Variants in INSL6 observed in about 807,000 individuals in gnomAD.
INSL6 encodes the protein insulin-like peptide INSL6.
INSL6 carries 16 observed loss-of-function variants against 9.4 expected under a neutral mutation model. That is an observed-to-expected ratio of 1.70 (90% CI 1.15 to 2.59). The LOEUF is 2.59. Among genes scored for constraint, INSL6 ranks in the 30% most tolerant of loss-of-function variants. The pLI is 0.00. For synonymous variants in INSL6, 154 were observed against 96.9 expected (o/e 1.59, Z -3.46); for missense variants, 391 against 257.3 (o/e 1.52, Z -3.56).
the INSL6 span, among the ~76,000 whole-genome samples, chr9:5,118,416 C>T: frequency 6.6e-6 from 1 of 152,108 alleles, no homozygotes; most frequent in Non-Finnish European, 1.5e-5. Context: ...TAAAAATTTT[C>T]CTGTGACCAA....
chr9:5,139,744 C>A (rs1464080038), intron 2 of INSL6, among the ~76,000 whole-genome samples: 1 of 152,162 alleles, frequency 6.6e-6, no homozygotes, highest in African/African-American at 2.4e-5. Context: ...AGGAACACAG[C>A]CAGGCTAGAG....
intron 3 of INSL6, among the ~76,000 whole-genome samples, chr9:5,129,556 A>G (rs1259181890): frequency 1.3e-5 from 2 of 152,176 alleles, no homozygotes; most frequent in Admixed American, 1.3e-4. Flanking sequence ...GCTGTATATT[A>G]GAATAAATAG....
chr9:5,003,157 A>C, the INSL6 span, among the ~76,000 whole-genome samples: 8 of 151,938 alleles, frequency 5.3e-5, no homozygotes, highest in African/African-American at 1.9e-4. Flanking sequence ...ATGTCTGATA[A>C]TATAAATCTT....
intron 1 of INSL6, among the ~76,000 whole-genome samples, chr9:5,172,423 C>G (rs1000787536): frequency 1.1e-4 from 16 of 152,116 alleles, no homozygotes; most frequent in African/African-American, 3.6e-4. Flanking sequence ...GACAAAATCA[C>G]CAAAAGCAAT....
chr9:5,029,927 A>G, the INSL6 span: 1 of 1,567,666 alleles, frequency 6.4e-7, no homozygotes, highest in East Asian at 2.3e-5. Context: ...CAGTAAAGTA[A>G]CTCACTTAAT....
At chr9:5,041,276 A>C in the INSL6 span, 74 of 1,155,122 alleles carry the variant, frequency 6.4e-5, no homozygotes, top group Non-Finnish European at 9.2e-5. Context: ...CGGGCTGGCC[A>C]AGGGGTACAC....
the INSL6 span, among the ~76,000 whole-genome samples, chr9:5,095,673 C>T: frequency 3.3e-5 from 5 of 152,126 alleles, no homozygotes; most frequent in African/African-American, 9.7e-5. Flanking sequence ...CATCAATAAA[C>T]ACGACCAGTC....
chr9:5,014,871 C>G, the INSL6 span, among the ~76,000 whole-genome samples: 9 of 151,894 alleles, frequency 5.9e-5, no homozygotes, highest in Non-Finnish European at 1.3e-4. Context: ...GTCTATCTTG[C>G]AGAAGTAACC....
intron 3 of INSL6, chr9:5,132,127 T>C (rs1824304114): frequency 6.6e-6 from 1 of 152,170 alleles, no homozygotes; most frequent in African/African-American, 2.4e-5. Context: ...CTTTGAAAAA[T>C]GTTGAAGTTG....
chr9:5,006,577 T>C, the INSL6 span, among the ~76,000 whole-genome samples: 153 of 152,234 alleles, frequency 1.0e-3, no homozygotes, highest in African/African-American at 3.5e-3. Flanking sequence ...CCTCAGGAAA[T>C]TTACAATCAT....
chr9:5,053,989 A>G, the INSL6 span, among the ~76,000 whole-genome samples: 1 of 152,124 alleles, frequency 6.6e-6, no homozygotes, highest in Non-Finnish European at 1.5e-5. Context: ...AGAATATTGT[A>G]CATAGAGATG....
At chr9:5,100,143 A>C in the INSL6 span, 1 of 152,188 alleles carries the variant, frequency 6.6e-6, no homozygotes, top group Non-Finnish European at 1.5e-5. Flanking sequence ...TTATTATTCT[A>C]ATCCTACTGA....
chr9:5,041,983 T>A, the INSL6 span: 1 of 364,578 alleles, frequency 2.7e-6, no homozygotes, highest in Non-Finnish European at 5.3e-6. Flanking sequence ...AGCGAGCTTG[T>A]GTGAGGGCCT....
chr9:5,103,374 T>C, the INSL6 span, among the ~76,000 whole-genome samples: 18 of 149,046 alleles, frequency 1.2e-4, 1 homozygote, highest in African/African-American at 4.3e-4. Context: ...GAGCTAACTA[T>C]ACTAAATATA....
the INSL6 span, chr9:5,081,924 G>A: frequency 4.3e-4 from 573 of 1,321,778 alleles, 7 homozygotes; most frequent in South Asian, 6.0e-3. Flanking sequence ...ACTTAAGAGC[G>A]TTTCTAAAGT....
intron 2 of INSL6, among the ~76,000 whole-genome samples, chr9:5,133,916 T>C (rs1824339928): frequency 6.6e-6 from 1 of 152,044 alleles, no homozygotes; most frequent in African/African-American, 2.4e-5. Flanking sequence ...AGGAACATGT[T>C]CTAACCCAAT....
the INSL6 span, among the ~76,000 whole-genome samples, chr9:5,113,087 C>G: frequency 0.38 from 56,912 of 151,642 alleles, 11,975 homozygotes; most frequent in African/African-American, 0.58. Flanking sequence ...CCCCTCACTG[C>G]CCTCGCTCCC....
intron 1 of INSL6, among the ~76,000 whole-genome samples, chr9:5,169,752 C>A (rs897929973): frequency 6.6e-6 from 1 of 152,092 alleles, no homozygotes; most frequent in Non-Finnish European, 1.5e-5. Context: ...TTTAAACCAA[C>A]GAAGATAAAA....
chr9:5,096,448 A>T, the INSL6 span, among the ~76,000 whole-genome samples: 1 of 152,178 alleles, frequency 6.6e-6, no homozygotes, highest in African/African-American at 2.4e-5. Context: ...AATTTAGTTA[A>T]CAGCTAAATA....
Sources: allele counts gnomAD v4.1 joint callset (sites outside exome capture counted in the v4.1 genomes callset), GRCh38; gene constraint gnomAD v4.1.1; transcripts MANE v1.5; gene names NCBI Gene and HGNC (gene_info 2026-07-23, HGNC 2026-07-21).